The following GTF3C5 variants were observed in gnomAD, a reference collection of about 807,000 sequenced individuals.
The protein encoded by GTF3C5 is general transcription factor IIIC subunit 5, also known as general transcription factor 3C polypeptide 5.
GTF3C5 carries 47 observed loss-of-function variants against 61.0 expected under a neutral mutation model. The ratio of observed to expected loss-of-function variants is 0.77; its 90% CI spans 0.61 to 0.98. The LOEUF is 0.98. Among genes scored for constraint, GTF3C5 ranks in the 50% least tolerant of loss-of-function variants. The pLI, the probability that GTF3C5 is intolerant of heterozygous loss-of-function variation, is 0.00. For missense variants in GTF3C5, 659 were observed against 703.3 expected (o/e 0.94, Z 0.71); for synonymous variants, 295 against 275.4 (o/e 1.07, Z -0.71).
At position 133,056,793 on chromosome 9, in the gene GTF3C5, C is replaced by T. The variant is rs149369903; in HGVS notation, c.1278C>T (p.Asp426=). 4.5e-5 allele frequency: 73 copies of T among 1,608,442 alleles called. No individual in the cohort carries two copies. The highest frequency in any genetic ancestry group is 3.4e-4 in the Admixed American group (20 of 59,320). The change falls in exon 10 of 11, where the codon GAC becomes GAT. Residue 426 remains aspartate, a synonymous_variant. Transcript: ENST00000372097. The stretch of plus-strand genomic sequence containing the variant: ...TGCAGAAGATCATTCACCGCAATGA[C>T]GGGGCAGAGAATTCCTGCACAGAAC... The part of the protein sequence containing the change: ...EELQKIIHRN[D]GAENSCTERD...
upstream of GTF3C5, chr9:133,030,934 T>G (rs767444539): frequency 6.6e-7 from 1 of 1,518,482 alleles, no homozygotes; most frequent in Admixed American, 1.7e-5. Flanking sequence ...GAACGATTCC[T>G]TCGCGGAACA....
At chr9:133,046,563 C>T (rs1466637818) in intron 3 of GTF3C5, among the ~76,000 whole-genome samples, 1 of 152,170 alleles carries the variant, frequency 6.6e-6, no homozygotes, top group Non-Finnish European at 1.5e-5. Context: ...TTATGTGTTT[C>T]CTTTATGTCC....
At position 133,039,086 on chromosome 9, in the gene GTF3C5, C is replaced by T. The variant is rs114088059; in HGVS notation, c.154-3001C>T. On this transcript the variant is annotated intron_variant, in intron 1 of 10. Coordinates refer to ENST00000372097, the MANE Select transcript of GTF3C5 (RefSeq NM_012087.4). The stretch of plus-strand genomic sequence containing the variant: ...TATTTTACGGGGGAAGGAACTTGTT[C>T]GAGGTCACACAGCAAGTGGGGCAGC... Among the ~76,000 whole-genome samples, 321 of 152,196 alleles carry T rather than the reference C, an allele frequency of 2.1e-3. 2 individuals are homozygous for T. The South Asian group carries it at 0.026, about 12-fold the overall frequency.
intron 2 of GTF3C5, 62 bp downstream of exon 2, chr9:133,042,368 C>T (rs1850064824): frequency 8.9e-7 from 1 of 1,121,772 alleles, no homozygotes; most frequent in Non-Finnish European, 1.4e-6. Flanking sequence ...TAGCTGCCTG[C>T]AGGAGCTGTG....
intron 3 of GTF3C5, among the ~76,000 whole-genome samples, chr9:133,045,866 G>A (rs1228652960): frequency 6.6e-6 from 1 of 152,098 alleles, no homozygotes; most frequent in East Asian, 1.9e-4. Context: ...CGAACTCCTG[G>A]CCTCCAGTGA....
At position 133,043,837 on chromosome 9, in the gene GTF3C5, C is replaced by T; in HGVS notation, c.483C>T (p.His161=). Residue 161 remains histidine (H), a synonymous_variant, in exon 3 of 11, where the codon CAC becomes CAT. Coordinates refer to ENST00000372097, the MANE Select transcript of GTF3C5 (RefSeq NM_012087.4). ...GGCCCGAGAAGGAGGCCTTTTTCCA[C>T]CAGGAGCTGCCGCTCTACATCCCCC... The part of the protein sequence containing the change: ...MLRPEKEAFF[H]QELPLYIPPP... 2 of 1,614,058 alleles carry T rather than the reference C, an allele frequency of 1.2e-6. No homozygotes were observed. Among genetic ancestry groups the T allele is most frequent in the Non-Finnish European group, 1.7e-6 (2 of 1,179,910 alleles).
chr9:133,055,763 C>T (rs917418551), intron 8 of GTF3C5: 28 of 1,339,560 alleles, frequency 2.1e-5, no homozygotes, highest in East Asian at 6.0e-5. Flanking sequence ...GCTGCACGGG[C>T]GGGCTCACCG....
At chr9:133,056,188 C>T in intron 9 of GTF3C5, 94 bp downstream of exon 9, 1 of 996,062 alleles carries the variant, frequency 1.0e-6, no homozygotes, top group Non-Finnish European at 1.5e-6. Flanking sequence ...CGTCGGCCTT[C>T]ATCTCCGGCA....
chr9:133,032,501 C>T (rs1271417342), intron 1 of GTF3C5, among the ~76,000 whole-genome samples: 1 of 152,166 alleles, frequency 6.6e-6, no homozygotes, highest in South Asian at 2.1e-4. Context: ...GGGAGTTGAA[C>T]AAGCTGAACC....
At position 133,031,000 on chromosome 9, in the gene GTF3C5, A is replaced by AGG; in HGVS notation, c.-11_-10insGG. 1 of 1,612,302 alleles carries AGG rather than the reference A, an allele frequency of 6.2e-7. No homozygotes were observed. On this transcript the variant is annotated 5_prime_UTR_variant, in exon 1 of 11. Transcript: ENST00000372097. ...GGGACGGACCCTGGCGGGCCCTGCC[A>AGG]GACGCACAGGGATGGCGGCGGAGGC...
At position 133,052,100 on chromosome 9, in the gene GTF3C5, A is replaced by T; in HGVS notation, c.809A>T (p.Lys270Met). Residue 270 changes from lysine to methionine, a missense_variant, in exon 5 of 11, where the codon AAG (lysine) becomes ATG (methionine). Transcript: ENST00000372097. ...IRPIWSRNAV[K>M]ANISVHPDKL... is the part of the protein sequence containing the mutation. ...CCCATCTGGTCCCGAAATGCTGTCA[A>T]GGCCAACATCAGCGTCCACCCAGAC... The T allele has an allele frequency of 6.2e-7, 1 of 1,609,218 alleles. No homozygotes were observed. The highest frequency in any genetic ancestry group is 8.5e-7 in the Non-Finnish European group (1 of 1,177,348).
chr9:133,032,112 T>G (rs925976366), intron 1 of GTF3C5, among the ~76,000 whole-genome samples: 3 of 152,234 alleles, frequency 2.0e-5, no homozygotes, highest in African/African-American at 7.2e-5. Context: ...CTAAAATCTT[T>G]GAAGTGGAAT....
intron 3 of GTF3C5, among the ~76,000 whole-genome samples, chr9:133,046,996 G>C (rs1850228065): frequency 6.6e-6 from 1 of 152,148 alleles, no homozygotes; most frequent in Non-Finnish European, 1.5e-5. Context: ...ATTGCAGAAA[G>C]GTGGAGAGAA....
In GTF3C5 at chr9:133,042,075, GC is replaced by G; in HGVS notation, c.154-10del. On this transcript the variant is annotated splice_polypyrimidine_tract_variant and intron_variant, in intron 1 of 10. Coordinates refer to ENST00000372097, the MANE Select transcript of GTF3C5 (RefSeq NM_012087.4). ...TCATTGCTTCACTCTGTCTCCTTTG[GC>G]CTTGCCACAGATCTACGCAGACCCC... 1 of 1,603,786 alleles carries G rather than the reference GC, an allele frequency of 6.2e-7. No homozygotes were observed. The highest frequency in any genetic ancestry group is 8.5e-7 in the Non-Finnish European group (1 of 1,171,866).
chr9:133,050,696 G>A (rs1588475390), intron 3 of GTF3C5, 87 bp from the exon 4 acceptor site: 2 of 924,006 alleles, frequency 2.2e-6, no homozygotes, highest in East Asian at 2.6e-5. Flanking sequence ...GGCCTTGGGG[G>A]GTTCTGGGCT....
upstream of GTF3C5, chr9:133,030,781 G>T (rs929094791): frequency 3.1e-6 from 2 of 635,364 alleles, no homozygotes; most frequent in Non-Finnish European, 2.9e-6. Context: ...GGACTAACTC[G>T]CTTAATTTTA....
intron 1 of GTF3C5, among the ~76,000 whole-genome samples, chr9:133,038,765 CT>C (rs919330052): frequency 6.6e-6 from 1 of 151,718 alleles, no homozygotes; most frequent in South Asian, 2.1e-4. Context: ...CTCCTAGGGG[CT>C]TTTTTTTCAT....
intron 5 of GTF3C5, among the ~76,000 whole-genome samples, chr9:133,052,980 A>G (rs1160518243): frequency 1.3e-5 from 2 of 152,012 alleles, no homozygotes; most frequent in Non-Finnish European, 2.9e-5. Flanking sequence ...GTACAGGCGC[A>G]CGCCACCATG....
chr9:133,053,662 G>C (rs976727260), intron 5 of GTF3C5, among the ~76,000 whole-genome samples, 166 bp from the exon 6 acceptor site: 1 of 152,198 alleles, frequency 6.6e-6, no homozygotes, highest in Non-Finnish European at 1.5e-5. Flanking sequence ...GAAAGGCCAC[G>C]TGCCCTCACC....
Sources: gnomAD v4.1 joint callset for allele counts (sites outside exome capture counted in the v4.1 genomes callset) on GRCh38, gnomAD v4.1.1 for gene constraint, MANE v1.5 for transcripts, NCBI Gene and HGNC (gene_info 2026-07-23, HGNC 2026-07-21) for gene names.